The following AGAP1 variants were observed in gnomAD, a reference collection of about 807,000 sequenced individuals.
AGAP1 encodes the protein arf-GAP with GTPase, ANK repeat and PH domain-containing protein 1.
In AGAP1, 29 loss-of-function variants were observed where a neutral mutation model predicts 105.3. That is an observed-to-expected ratio of 0.28 (90% CI 0.21 to 0.38). AGAP1 has a LOEUF of 0.38. AGAP1 is among the 10% of genes least tolerant of loss of function. AGAP1 has a pLI of 1.00. For missense variants in AGAP1, 998 were observed against 1,165.1 expected (o/e 0.86, Z 2.09); for synonymous variants, 509 against 485.9 (o/e 1.05, Z -0.63).
chr2:235,663,864 T>A lies in AGAP1; in HGVS notation c.164-45315T>A, dbSNP rs1948042219. On this transcript the variant is annotated intron_variant, in intron 1 of 17. Transcript: ENST00000304032. The surrounding 1 kb of genome is among the most constrained non-coding windows in gnomAD (Gnocchi z 5.4). Reference sequence around the variant, plus strand: ...CTCCCGTGAATCCTGTAGAGGAAAATGTTACCAAATAGGCCTGTTCCCCTG... The same window carrying A: ...CTCCCGTGAATCCTGTAGAGGAAAAAGTTACCAAATAGGCCTGTTCCCCTG... Among the ~76,000 whole-genome samples, 1 of 152,116 alleles carries A rather than the reference T, an allele frequency of 6.6e-6. No individual in the cohort carries two copies. Among genetic ancestry groups the A allele is most frequent in the Non-Finnish European group, 1.5e-5 (1 of 68,006 alleles).
chr2:236,003,558 C>T lies in AGAP1; in HGVS notation c.1646-33003C>T, dbSNP rs1464888067. On this transcript the variant is annotated intron_variant, in intron 13 of 17. Transcript: ENST00000304032. The surrounding 1 kb of genome is among the most constrained non-coding windows in gnomAD (Gnocchi z 4.2). Reference sequence around the variant, plus strand: ...CCCAGAGTCACCCGCAGCCCCCCTGCGCTGCTGCTGCCCGCATGGGGTACC... The same window carrying T: ...CCCAGAGTCACCCGCAGCCCCCCTGTGCTGCTGCTGCCCGCATGGGGTACC... Among the ~76,000 whole-genome samples, 2 of 152,212 alleles carry T rather than the reference C, an allele frequency of 1.3e-5. No individual in the cohort carries two copies. The highest frequency in any genetic ancestry group is 2.4e-5 in the African/African-American group (1 of 41,460).
rs1351144761 is a variant in AGAP1, at chr2:236,114,355, C to A, written c.2115-5837C>A. 6.6e-6 allele frequency among the ~76,000 whole-genome samples: 1 copy of A among 152,220 alleles called. No individual in the cohort carries two copies. The highest frequency in any genetic ancestry group is 1.9e-4 in the East Asian group (1 of 5,198). ...GGCAAATGCCTCTAGACGGAATAGT[C>A]TCATCGAGAAGAAGCCATTGTCAGC... is the stretch of plus-strand genomic sequence containing the variant. On this transcript the variant is annotated intron_variant, in intron 16 of 17. Coordinates refer to ENST00000304032, the MANE Select transcript of AGAP1 (RefSeq NM_001037131.3). This position sits in a 1 kb window ranked among gnomAD's most constrained non-coding sequence, Gnocchi z 5.0.
chr2:235,629,455 C>G (rs1574997330), intron 1 of AGAP1, among the ~76,000 whole-genome samples: 1 of 152,036 alleles, frequency 6.6e-6, no homozygotes, highest in East Asian at 1.9e-4. Flanking sequence ...TAGTCAGACA[C>G]CGTAGACCAA....
In AGAP1 at chr2:235,807,422, T is replaced by C. The variant is rs1484758743; in HGVS notation, c.1050+91T>C. The C allele has an allele frequency of 1.6e-5, 18 of 1,108,722 alleles. No individual in the cohort carries two copies. The Admixed American group carries it at 4.7e-4, about 29-fold the overall frequency. 68.7% of individuals were successfully genotyped at this position (1,108,722 alleles called of 1,614,324 possible). ...ATGCTGGCTCTCGCACCAAGGTCTG[T>C]CTGATGTGCTCTGTTGATGAATGTA... On this transcript the variant is annotated intron_variant, in intron 9 of 17. Coordinates refer to ENST00000304032, the MANE Select transcript of AGAP1 (RefSeq NM_001037131.3).
At chr2:235,497,667 G>A (rs4663597) in intron 1 of AGAP1, among the ~76,000 whole-genome samples, 60,756 of 152,090 alleles carry the variant, frequency 0.4, 13,965 homozygotes, top group East Asian at 0.66. Flanking sequence ...CGCAATCTCG[G>A]CTCACTGCAG....
At chr2:235,699,406 C>CTT (rs10668132) in intron 1 of AGAP1, among the ~76,000 whole-genome samples, 98,226 of 151,768 alleles carry the variant, frequency 0.65, 32,171 homozygotes, top group East Asian at 0.75. Flanking sequence ...TTGGGGCTGA[C>CTT]TTTATAACAT....
At chr2:235,605,865 T>A (rs1369911346) in intron 1 of AGAP1, among the ~76,000 whole-genome samples, 1 of 152,200 alleles carries the variant, frequency 6.6e-6, no homozygotes, top group African/African-American at 2.4e-5. Flanking sequence ...AACGCAGGCA[T>A]GCACATCCTC....
rs985822344 is a variant in AGAP1 at position 236,040,023 on chromosome 2, A to C, written c.1801-728A>C. On this transcript the variant is annotated intron_variant, in intron 14 of 17. Transcript: ENST00000304032. The surrounding 1 kb of genome is among the most constrained non-coding windows in gnomAD (Gnocchi z 5.6). ...CACTATAGGAGGCTAAGGCAGGAGG[A>C]TCACTTGAGCCCACGAGTTCAAGGC... Among the ~76,000 whole-genome samples, 1 of 152,130 alleles carries C rather than the reference A, an allele frequency of 6.6e-6. No homozygotes were observed. Among genetic ancestry groups the C allele is most frequent in the African/African-American group, 2.4e-5 (1 of 41,412 alleles).
rs370048554 is a variant in AGAP1, at chr2:236,060,093, A to AAC, written c.2114+10828_2114+10829dup. ...GTGACAGAGCAAGACTTCGTCTCAA[A>AAC]ACACACACACACACACAAATTAATT... On this transcript the variant is annotated intron_variant, in intron 16 of 17. Transcript: ENST00000304032. 2.9e-3 allele frequency among the ~76,000 whole-genome samples: 432 copies of AAC among 151,562 alleles called. 3 individuals carry two copies. Among genetic ancestry groups the AAC allele is most frequent in the African/African-American group, 8.2e-3 (338 of 41,400 alleles).
At chr2:236,030,420 T>G (rs2057189763) in intron 13 of AGAP1, among the ~76,000 whole-genome samples, 1 of 152,194 alleles carries the variant, frequency 6.6e-6, no homozygotes, top group African/African-American at 2.4e-5. Flanking sequence ...ATGGGAAGCT[T>G]TCCTGTAGAG....
At position 236,045,196 on chromosome 2, in the gene AGAP1, A is replaced by G. The variant is rs73123802; in HGVS notation, c.1892-3863A>G. Among the ~76,000 whole-genome samples, 16,817 of 152,204 alleles carry G rather than the reference A, an allele frequency of 0.11. 1,083 individuals carry two copies. The highest frequency in any genetic ancestry group is 0.28 in the East Asian group (1,435 of 5,166). ...CTCCCAAAGTGCTGGGATTATAGGC[A>G]GGAGCCACTGTGCTGGGCCTAGTTT... On this transcript the variant is annotated intron_variant, in intron 15 of 17. Coordinates refer to ENST00000304032, the MANE Select transcript of AGAP1 (RefSeq NM_001037131.3). This position sits in a 1 kb window ranked among gnomAD's most constrained non-coding sequence, Gnocchi z 6.9.
chr2:235,620,721 G>C lies in AGAP1; in HGVS notation c.164-88458G>C, dbSNP rs1017023272. ...CACTGGATGGAATATAAGGGCTTGT[G>C]TTTGCCGTTTCCCCAGCACCTAGAC... On this transcript the variant is annotated intron_variant, in intron 1 of 17. Coordinates refer to ENST00000304032, the MANE Select transcript of AGAP1 (RefSeq NM_001037131.3). This position sits in a 1 kb window ranked among gnomAD's most constrained non-coding sequence, Gnocchi z 4.5. Among the ~76,000 whole-genome samples the C allele has an allele frequency of 6.6e-6, 1 of 152,178 alleles. No individual in the cohort carries two copies. The highest frequency in any genetic ancestry group is 2.4e-5 in the African/African-American group (1 of 41,444).
At position 236,113,625 on chromosome 2, in the gene AGAP1, G is replaced by A. The variant is rs1321729150; in HGVS notation, c.2115-6567G>A. On this transcript the variant is annotated intron_variant, in intron 16 of 17. Transcript: ENST00000304032. The surrounding 1 kb of genome is among the most constrained non-coding windows in gnomAD (Gnocchi z 4.3). ...AGTATGCGGGTAGCAGGTGGGGAGT[G>A]TCCAAGAGAATTGTCTTTGGGATGG... Among the ~76,000 whole-genome samples the A allele has an allele frequency of 2.6e-5, 4 of 152,176 alleles. No individual in the cohort carries two copies. Among genetic ancestry groups the A allele is most frequent in the Non-Finnish European group, 5.9e-5 (4 of 68,040 alleles).
At chr2:236,074,546 A>C (rs764743454) in intron 16 of AGAP1, among the ~76,000 whole-genome samples, 4 of 152,230 alleles carry the variant, frequency 2.6e-5, no homozygotes, top group African/African-American at 9.6e-5. Flanking sequence ...ACGAGATAAT[A>C]GTCTCCATAA....
Position 235,867,574 on chromosome 2 carries a change from T to TGTGCGCGC in AGAP1, c.1051-15770_1051-15769insTGCGCGCG, listed in dbSNP as rs1380487646. 2.7e-5 allele frequency among the ~76,000 whole-genome samples: 4 copies of TGTGCGCGC among 147,702 alleles called. No individual in the cohort carries two copies. In the South Asian group the frequency reaches 8.6e-4, roughly 32 times the overall value. ...GTGTGTGTGTGTGTGTGTGTGTGTG[T>TGTGCGCGC]GCAAGTGAGGGAGGGTGACCCCCAC... On this transcript the variant is annotated intron_variant, in intron 9 of 17. Coordinates refer to ENST00000304032, the MANE Select transcript of AGAP1 (RefSeq NM_001037131.3). This position sits in a 1 kb window ranked among gnomAD's most constrained non-coding sequence, Gnocchi z 5.4.
At chr2:235,833,970 A>T (rs1285334814) in intron 9 of AGAP1, among the ~76,000 whole-genome samples, 2 of 151,102 alleles carry the variant, frequency 1.3e-5, no homozygotes, top group Non-Finnish European at 2.9e-5. Flanking sequence ...AAAAAAAAAA[A>T]GCCAGTAGCA....
At chr2:235,831,328 A>T (rs982740797) in intron 9 of AGAP1, among the ~76,000 whole-genome samples, 4 of 152,100 alleles carry the variant, frequency 2.6e-5, no homozygotes, top group Non-Finnish European at 5.9e-5. Flanking sequence ...CAGCACTGTC[A>T]CCCTCAGTCC....
In AGAP1 at chr2:235,799,383, G is replaced by A. The variant is rs1482353064; in HGVS notation, c.818G>A (p.Gly273Glu). 1.2e-6 allele frequency: 2 copies of A among 1,614,070 alleles called. No individual in the cohort carries two copies. Among genetic ancestry groups the A allele is most frequent in the Admixed American group, 1.7e-5 (1 of 60,002 alleles). Residue 273 changes from glycine to glutamate, a missense_variant, in exon 8 of 18, where the codon GGG (glycine) becomes GAG (glutamate). Coordinates refer to ENST00000304032, the MANE Select transcript of AGAP1 (RefSeq NM_001037131.3). This position sits in a 1 kb window ranked among gnomAD's most constrained non-coding sequence, Gnocchi z 5.0. ...TCATTTCAGACAAGTAATGGAGGTG[G>A]GAGTTTAAGCGACTATTCCTCCTCC... ...VHISQTSNGG[G>E]SLSDYSSSVP...
intron 6 of AGAP1, among the ~76,000 whole-genome samples, chr2:235,767,621 T>C (rs755652515): frequency 1.3e-5 from 2 of 152,138 alleles, no homozygotes; most frequent in Non-Finnish European, 1.5e-5. Flanking sequence ...TAAGCACCGT[T>C]ACCAAGAGTG....
Sources: gnomAD v4.1 joint callset for allele counts (sites outside exome capture counted in the v4.1 genomes callset) on GRCh38, gnomAD v4.1.1 for gene constraint, Gnocchi (gnomAD v3.1) non-coding constraint, MANE v1.5 for transcripts, NCBI Gene and HGNC (gene_info 2026-07-23, HGNC 2026-07-21) for gene names.